SCARF2: variants seen among roughly 807,000 people sequenced by gnomAD.
SCARF2 encodes the protein scavenger receptor expressed by endothelial cells 2 protein.
Under a neutral mutation model 73.4 loss-of-function variants are expected in SCARF2, and 39 were observed. That is an observed-to-expected ratio of 0.53 (90% confidence interval 0.41 to 0.69). The LOEUF (loss-of-function observed/expected upper bound fraction) is 0.69, where lower values mean the gene tolerates loss of function less well. SCARF2 is among the 30% of genes least tolerant of loss of function. The pLI is 0.00. For missense variants in SCARF2, 1,148 were observed against 1,303.5 expected (o/e 0.88, Z 1.84); for synonymous variants, 605 against 590.0 (o/e 1.03, Z -0.37).
At position 20,431,422 on chromosome 22, in the gene SCARF2, C is replaced by G. The variant is rs900421921; in HGVS notation, c.450G>C (p.Ala150=). The change falls in exon 4 of 11, where the codon GCG becomes GCC. Residue 150 remains alanine (A), a synonymous_variant. Transcript: ENST00000622235. ...GGCACTGGCACGCATGCTCGCAGCG[C>G]GCGCCCCAGCGCCGCGCGTGACAAG... ...QCTCHARRWG[A]RCEHACQCQH... is the part of the protein sequence containing the mutation. 1 of 1,542,022 alleles carries G rather than the reference C, an allele frequency of 6.5e-7. No homozygotes were observed. Among genetic ancestry groups the G allele is most frequent in the Admixed American group, 1.9e-5 (1 of 51,812 alleles).
intron 1 of SCARF2, among the ~76,000 whole-genome samples, chr22:20,433,312 C>T (rs1400098731): frequency 6.6e-6 from 1 of 152,216 alleles, no homozygotes; most frequent in Non-Finnish European, 1.5e-5. Context: ...ATCCTAAAGG[C>T]ATGTAACAGC....
rs76023049 is a variant in SCARF2, at chr22:20,427,724, G to A, written c.1541-174C>T. Among the ~76,000 whole-genome samples the A allele has an allele frequency of 4.5e-3, 687 of 152,320 alleles. 3 individuals are homozygous for A. Among genetic ancestry groups the A allele is most frequent in the Middle Eastern group, 0.017 (5 of 294 alleles). On this transcript the variant is annotated intron_variant, in intron 9 of 10. Coordinates refer to ENST00000622235, the MANE Select transcript of SCARF2 (RefSeq NM_182895.5). ...TGACACTGGGCCAGGACTGGAGAAT[G>A]GGTAGAGGTGAACCCAGAAAAGAAA...
At chr22:20,431,889 G>GCCCCCCCC in intron 2 of SCARF2, 41 bp downstream of exon 2, 1 of 1,566,444 alleles carries the variant, frequency 6.4e-7, no homozygotes, top group Non-Finnish European at 8.6e-7. Context: ...TCCTAGCCCC[G>GCCCCCCCC]CCCCCTCCCC....
At chr22:20,433,154 C>T (rs1420629359) in intron 1 of SCARF2, among the ~76,000 whole-genome samples, 3 of 152,224 alleles carry the variant, frequency 2.0e-5, no homozygotes, top group East Asian at 3.9e-4. Flanking sequence ...GTTTGGAGGC[C>T]CTGCCTGAGT....
chr22:20,435,301 T>C (rs1014530397), intron 1 of SCARF2, among the ~76,000 whole-genome samples: 3 of 152,198 alleles, frequency 2.0e-5, no homozygotes, highest in Non-Finnish European at 4.4e-5. Flanking sequence ...TAAAATGGGA[T>C]CACTTCCTCC....
Position 20,429,934 on chromosome 22 carries a change from G to T in SCARF2, c.1203-101C>A. On this transcript the variant is annotated intron_variant, in intron 6 of 10. Transcript: ENST00000622235. The surrounding 1 kb of genome is among the most constrained non-coding windows in gnomAD (Gnocchi z 5.2). ...CCAGGGCCCAGGGTCCAGGGTCCCA[G>T]AACCGGGCTCTCTCTCGCTGCATTC... The T allele has an allele frequency of 1.7e-6, 2 of 1,164,206 alleles. No individual in the cohort carries two copies. Among genetic ancestry groups the T allele is most frequent in the South Asian group, 1.3e-5 (1 of 74,820 alleles). 72.1% of individuals were successfully genotyped at this position (1,164,206 alleles called of 1,614,324 possible).
chr22:20,431,706 C>G (rs376692422), intron 3 of SCARF2, 39 bp downstream of exon 3: 115 of 1,081,288 alleles, frequency 1.1e-4, no homozygotes, highest in Middle Eastern at 8.5e-4. Flanking sequence ...CTCCAGGATT[C>G]CGCCCCACCG....
chr22:20,430,307 G>T, intron 6 of SCARF2, 122 bp downstream of exon 6: 1 of 1,208,678 alleles, frequency 8.3e-7, no homozygotes, highest in Non-Finnish European at 1.1e-6. Flanking sequence ...CTCCCTAGCT[G>T]GGGTAAGGGA....
chr22:20,427,497 A>C lies in SCARF2; in HGVS notation c.1594T>G (p.Ser532Ala). The C allele has an allele frequency of 1.2e-6, 2 of 1,614,020 alleles. No homozygotes were observed. Among genetic ancestry groups the C allele is most frequent in the Non-Finnish European group, 1.7e-6 (2 of 1,180,030 alleles). Reference sequence around the variant, plus strand: ...GATGGTGAGGGCTGCTCCAGCCCTGAGGGTGGCTCCAGGAAGCTGCAGTTG... The same window carrying C: ...GATGGTGAGGGCTGCTCCAGCCCTGCGGGTGGCTCCAGGAAGCTGCAGTTG... ...TLNCSFLEPP[S>A]GLEQPSPSWS... Residue 532 changes from serine to alanine, a missense_variant, in exon 10 of 11, where the codon TCA becomes GCA. Coordinates refer to ENST00000622235, the MANE Select transcript of SCARF2 (RefSeq NM_182895.5).
intron 1 of SCARF2, among the ~76,000 whole-genome samples, chr22:20,434,936 T>C (rs990639402): frequency 6.6e-6 from 1 of 152,216 alleles, no homozygotes; most frequent in African/African-American, 2.4e-5. Context: ...CTCTGGTTTC[T>C]GTCCCCATCC....
intron 5 of SCARF2, 57 bp downstream of exon 5, chr22:20,430,633 T>G: frequency 6.2e-7 from 1 of 1,604,676 alleles, no homozygotes; most frequent in Non-Finnish European, 8.5e-7. Flanking sequence ...GGGGCCTTTG[T>G]TAGGGAGGCA....
At chr22:20,432,639 C>T (rs1204783685) in intron 1 of SCARF2, among the ~76,000 whole-genome samples, 2 of 152,300 alleles carry the variant, frequency 1.3e-5, no homozygotes, top group South Asian at 4.1e-4. Context: ...GAGTCCTCCA[C>T]GTGCAGGAGG....
intron 6 of SCARF2, 62 bp downstream of exon 6, chr22:20,430,367 G>A (rs1478267052): frequency 1.3e-6 from 2 of 1,538,462 alleles, no homozygotes; most frequent in Non-Finnish European, 8.8e-7. Context: ...CACCTCGTCG[G>A]CTGGACCCCC....
At chr22:20,430,311 T>C in intron 6 of SCARF2, 118 bp downstream of exon 6, 1 of 1,256,474 alleles carries the variant, frequency 8.0e-7, no homozygotes, top group Non-Finnish European at 1.1e-6. Flanking sequence ...CTAGCTGGGG[T>C]AAGGGACCAA....
At chr22:20,437,219 A>G (rs577547763) in intron 1 of SCARF2, among the ~76,000 whole-genome samples, 2 of 152,182 alleles carry the variant, frequency 1.3e-5, no homozygotes, top group East Asian at 3.9e-4. Context: ...GCGGGGCTTT[A>G]GCACATGCAG....
At position 20,424,868 on chromosome 22, in the gene SCARF2, G is replaced by C. The variant is rs1279188864; in HGVS notation, c.*507C>G. On this transcript the variant is annotated 3_prime_UTR_variant, in exon 11 of 11. Coordinates refer to ENST00000622235, the MANE Select transcript of SCARF2 (RefSeq NM_182895.5). ...AGACCAGCCCTCCTCCCCAGGCTGG[G>C]GTCAACCAGATGCCCGGGAGCCTGG... 1 of 152,842 alleles carries C rather than the reference G, an allele frequency of 6.5e-6. No homozygotes were observed. The highest frequency in any genetic ancestry group is 2.4e-5 in the African/African-American group (1 of 41,480). 9.5% of individuals were successfully genotyped at this position (152,842 alleles called of 1,614,324 possible). A position where few individuals can be genotyped will look rare whatever the true frequency, so the allele number is the denominator to read the frequency against.
At chr22:20,431,706 C>A in intron 3 of SCARF2, 39 bp downstream of exon 3, 1 of 1,081,284 alleles carries the variant, frequency 9.2e-7, no homozygotes, top group South Asian at 1.3e-5. Context: ...CTCCAGGATT[C>A]CGCCCCACCG....
chr22:20,436,868 C>T (rs976772956), intron 1 of SCARF2, among the ~76,000 whole-genome samples: 6 of 152,230 alleles, frequency 3.9e-5, no homozygotes, highest in Non-Finnish European at 8.8e-5. Context: ...CCCCCACCGG[C>T]CGGGCCTGTC....
At chr22:20,427,250 A>G in intron 10 of SCARF2, 148 bp downstream of exon 10, 1 of 963,672 alleles carries the variant, frequency 1.0e-6, no homozygotes, top group Non-Finnish European at 1.6e-6. Flanking sequence ...CTATGGCCTC[A>G]GCTCTGTGGG....
Sources: allele counts gnomAD v4.1 joint callset (sites outside exome capture counted in the v4.1 genomes callset), GRCh38; gene constraint gnomAD v4.1.1; non-coding constraint Gnocchi (gnomAD v3.1); transcripts MANE v1.5; gene names NCBI Gene and HGNC (gene_info 2026-07-23, HGNC 2026-07-21).